Variants in PTPRT observed in about 807,000 individuals in gnomAD.
The protein encoded by PTPRT is receptor-type tyrosine-protein phosphatase T.
In PTPRT, 56 loss-of-function variants were observed where a neutral mutation model predicts 176.8. That is an observed-to-expected ratio of 0.32 (90% CI 0.26 to 0.40). PTPRT has a LOEUF of 0.40. Among genes scored for constraint, PTPRT ranks in the 10% least tolerant of loss-of-function variants. The pLI, the probability that PTPRT is intolerant of heterozygous loss-of-function variation, is 1.00. For missense variants in PTPRT, 1,540 were observed against 1,908.2 expected, an observed-to-expected ratio of 0.81 and a Z score of 3.60; for synonymous variants, 783 against 739.0, an observed-to-expected ratio of 1.06 and a Z score of -0.96.
chr20:42,086,138 C>T (rs531407593), intron 27 of PTPRT, among the ~76,000 whole-genome samples: 16 of 151,968 alleles, frequency 1.1e-4, no homozygotes, highest in South Asian at 8.3e-4. Flanking sequence ...GGGGTTTCGC[C>T]GTGTTGGCCA....
At chr20:42,759,722 A>G (rs2076888287) in intron 5 of PTPRT, among the ~76,000 whole-genome samples, 1 of 152,182 alleles carries the variant, frequency 6.6e-6, no homozygotes, top group Admixed American at 6.5e-5. Flanking sequence ...AGATTTAAGT[A>G]TATCCTTCCT....
chr20:42,489,932 T>C (rs1383333891), intron 7 of PTPRT, among the ~76,000 whole-genome samples: 3 of 152,196 alleles, frequency 2.0e-5, no homozygotes, highest in Non-Finnish European at 2.9e-5. Context: ...GAGTAGGTAT[T>C]AAGGTGGCAT....
intron 29 of PTPRT, among the ~76,000 whole-genome samples, chr20:42,084,145 G>C (rs1050788700): frequency 2.0e-5 from 3 of 152,208 alleles, no homozygotes; most frequent in African/African-American, 7.2e-5. Context: ...TGCACAGCTT[G>C]TCAGCCACTG....
intron 7 of PTPRT, among the ~76,000 whole-genome samples, chr20:42,631,078 T>G (rs1411312005): frequency 6.6e-6 from 1 of 152,032 alleles, no homozygotes; most frequent in Non-Finnish European, 1.5e-5. Flanking sequence ...CTCAGATATA[T>G]GGCCATATTG....
rs767750971 is a variant in PTPRT at position 42,178,226 on chromosome 20, G to A, written c.2492-16684C>T. Reference sequence around the variant, plus strand: ...GCTGGGATTACAAGCGAGAGCCACCGTGCCCAGCCAGAAGATCTGTTTTTC... The same window carrying A: ...GCTGGGATTACAAGCGAGAGCCACCATGCCCAGCCAGAAGATCTGTTTTTC... On this transcript the variant is annotated intron_variant, in intron 16 of 30. Transcript: ENST00000373187. Among the ~76,000 whole-genome samples, 108 of 152,132 alleles carry A rather than the reference G, an allele frequency of 7.1e-4. 1 individual carries two copies. The highest frequency in any genetic ancestry group is 1.4e-3 in the Non-Finnish European group (97 of 68,012).
chr20:42,360,704 G>A (rs6102805), intron 9 of PTPRT, among the ~76,000 whole-genome samples: 67,575 of 152,066 alleles, frequency 0.44, 17,517 homozygotes, highest in East Asian at 0.72. Flanking sequence ...ACCTGGTTAA[G>A]TTGCTAAGTT....
intron 12 of PTPRT, among the ~76,000 whole-genome samples, chr20:42,295,351 C>T (rs6030115): frequency 0.29 from 44,737 of 151,968 alleles, 7,247 homozygotes; most frequent in African/African-American, 0.44. Context: ...TAACCAAGGA[C>T]TTCATAGCTA....
chr20:42,763,438 T>G (rs1415179940), intron 5 of PTPRT, among the ~76,000 whole-genome samples: 2 of 144,264 alleles, frequency 1.4e-5, no homozygotes, highest in Non-Finnish European at 3.0e-5. Flanking sequence ...AGTGTGTTGG[T>G]TTGAACTTCT....
At chr20:42,595,769 G>A (rs145441718) in intron 7 of PTPRT, among the ~76,000 whole-genome samples, 1 of 152,226 alleles carries the variant, frequency 6.6e-6, no homozygotes, top group African/African-American at 2.4e-5. Flanking sequence ...ATTTCAGTGC[G>A]ACATTGAACA....
At chr20:42,280,143 G>T (rs2057115082) in intron 13 of PTPRT, among the ~76,000 whole-genome samples, 1 of 152,170 alleles carries the variant, frequency 6.6e-6, no homozygotes, top group Non-Finnish European at 1.5e-5. Context: ...GGGATAAACA[G>T]AATATTGATT....
chr20:42,677,716 C>A, intron 7 of PTPRT, 150 bp downstream of exon 7: 1 of 912,890 alleles, frequency 1.1e-6, no homozygotes, highest in Non-Finnish European at 1.6e-6. Flanking sequence ...AAAAAAACCC[C>A]AAGGCCTTGA....
rs547019233 is a variant in PTPRT, at chr20:42,838,896, A to G, written c.214+46911T>C. ...TGGGGAGTCCTTGCCCCCTTTATAT[A>G]GGAACCTGTGCTTGGGCTTGGGATG... On this transcript the variant is annotated intron_variant, in intron 2 of 30. Coordinates refer to ENST00000373187, the MANE Select transcript of PTPRT (RefSeq NM_007050.6). Among the ~76,000 whole-genome samples, 5 of 152,160 alleles carry G rather than the reference A, an allele frequency of 3.3e-5. No homozygotes were observed. In the South Asian group the frequency reaches 1.0e-3, roughly 32 times the overall value.
At chr20:43,152,931 T>G (rs1228379930) in intron 1 of PTPRT, among the ~76,000 whole-genome samples, 1 of 152,244 alleles carries the variant, frequency 6.6e-6, no homozygotes, top group Non-Finnish European at 1.5e-5. Flanking sequence ...TTCCCAATTT[T>G]TTTTTTACCT....
At chr20:42,332,996 A>G (rs556829650) in intron 11 of PTPRT, among the ~76,000 whole-genome samples, 23 of 152,392 alleles carry the variant, frequency 1.5e-4, no homozygotes, top group African/African-American at 5.5e-4. Flanking sequence ...GTAAAAGAGT[A>G]TAAAAAGTTT....
rs62204879 is a variant in PTPRT at position 42,471,223 on chromosome 20, A to T, written c.1450+1043T>A. ...AAATTCAACATGTTTAAACAATGTG[A>T]TACATGTTTTATCTTTCTGGAGGCA... On this transcript the variant is annotated intron_variant, in intron 8 of 30. Coordinates refer to ENST00000373187, the MANE Select transcript of PTPRT (RefSeq NM_007050.6). Among the ~76,000 whole-genome samples, 1,208 of 152,306 alleles carry T rather than the reference A, an allele frequency of 7.9e-3. 11 individuals are homozygous for T. Among genetic ancestry groups the T allele is most frequent in the Middle Eastern group, 0.014 (4 of 294 alleles).
At position 43,073,468 on chromosome 20, in the gene PTPRT, A is replaced by AAT. The variant is rs911986089; in HGVS notation, c.88+116176_88+116177dup. Reference sequence around the variant, plus strand: ...TTACTCTTTATGTAGAAAGCACAGGAATATATATATATACACACACACACA... The same window carrying AAT: ...TTACTCTTTATGTAGAAAGCACAGGAATATATATATATATACACACACACACA... On this transcript the variant is annotated intron_variant, in intron 1 of 30. Transcript: ENST00000373187. Among the ~76,000 whole-genome samples the AAT allele has an allele frequency of 4.0e-4, 34 of 85,314 alleles. No individual in the cohort carries two copies. The East Asian group carries it at 0.011, about 27-fold the overall frequency. 56.0% of individuals were successfully genotyped at this position (85,314 alleles called of 152,430 possible).
chr20:42,036,353 T>C, the PTPRT span, among the ~76,000 whole-genome samples: 1 of 152,198 alleles, frequency 6.6e-6, no homozygotes, highest in Non-Finnish European at 1.5e-5. Context: ...ATTGAGAAAT[T>C]GCTGTGTGCC....
rs1375077010 is a variant in PTPRT at position 42,075,002 on chromosome 20, C to G, written c.*5877G>C. The G allele has an allele frequency of 7.6e-6, 3 of 392,870 alleles. No homozygotes were observed. Among genetic ancestry groups the G allele is most frequent in the Non-Finnish European group, 1.3e-5 (3 of 223,844 alleles). The allele number at this position is 392,870 out of a possible 1,614,324, so 24.3% of individuals were successfully genotyped here. A position where few individuals can be genotyped will look rare whatever the true frequency, so the allele number is the denominator to read the frequency against. On this transcript the variant is annotated 3_prime_UTR_variant, in exon 31 of 31. Coordinates refer to ENST00000373187, the MANE Select transcript of PTPRT (RefSeq NM_007050.6). ...GAAACTGGAGCTAGAACAGCTCCCC[C>G]CACACTCCACCACTAACCTCTCTCC...
At chr20:42,476,474 T>G (rs2071291513) in intron 7 of PTPRT, among the ~76,000 whole-genome samples, 1 of 152,152 alleles carries the variant, frequency 6.6e-6, no homozygotes, top group African/African-American at 2.4e-5. Flanking sequence ...TCGGCATGCC[T>G]TGGGCCTAAT....
Sources: gnomAD v4.1 joint callset for allele counts (sites outside exome capture counted in the v4.1 genomes callset) on GRCh38, gnomAD v4.1.1 for gene constraint, MANE v1.5 for transcripts, NCBI Gene and HGNC (gene_info 2026-07-23, HGNC 2026-07-21) for gene names.